Variants in ADGRG6 observed in about 807,000 individuals in gnomAD.
The protein encoded by ADGRG6 is adhesion G protein-coupled receptor G6, also known as G-protein coupled receptor 126.
ADGRG6 carries 84 observed loss-of-function variants against 142.4 expected under a neutral mutation model. The observed-to-expected ratio is 0.59, with a 90% CI of 0.49 to 0.71. The LOEUF (loss-of-function observed/expected upper bound fraction) is 0.71, where lower values mean the gene tolerates loss of function less well. Ranked by LOEUF, ADGRG6 falls within the 30% of genes least tolerant of loss-of-function variation. The pLI is 0.00. For missense variants in ADGRG6, 1,367 were observed against 1,466.6 expected (o/e 0.93, Z 1.11); for synonymous variants, 521 against 520.5 (o/e 1.00, Z -0.01).
chr6:142,364,253 G>A (rs1780847600), intron 2 of ADGRG6, among the ~76,000 whole-genome samples: 1 of 152,078 alleles, frequency 6.6e-6, no homozygotes, highest in Non-Finnish European at 1.5e-5. Context: ...ATGATACTGT[G>A]TCTAGCTTAA....
At chr6:142,391,447 A>G (rs948139729) in intron 7 of ADGRG6, among the ~76,000 whole-genome samples, 1 of 150,176 alleles carries the variant, frequency 6.7e-6, no homozygotes. Flanking sequence ...ACACACACAC[A>G]CACACACACA....
chr6:142,393,792 G>C, intron 8 of ADGRG6, 104 bp from the exon 9 acceptor site: 1 of 707,350 alleles, frequency 1.4e-6, no homozygotes. Flanking sequence ...GAAAATATTG[G>C]CTTAGAATTC....
At position 142,428,643 on chromosome 6, in the gene ADGRG6, A is replaced by G. The variant is rs193231629; in HGVS notation, c.3319+8539A>G. On this transcript the variant is annotated intron_variant, in intron 22 of 24. Transcript: ENST00000367609. ...AGGCACATCTTACATGGTGGCAGGC[A>G]AGAGAGAGCATGTGAAGGAGGAACT... 1.9e-3 allele frequency among the ~76,000 whole-genome samples: 288 copies of G among 152,272 alleles called. 3 individuals are homozygous for G. The highest frequency in any genetic ancestry group is 3.8e-4 in the Non-Finnish European group (26 of 68,016).
intron 1 of ADGRG6, among the ~76,000 whole-genome samples, chr6:142,303,310 C>T (rs762051261): frequency 6.6e-6 from 1 of 152,166 alleles, no homozygotes; most frequent in Non-Finnish European, 1.5e-5. Flanking sequence ...CAGTTCAGTA[C>T]ATGGGGAAAG....
intron 9 of ADGRG6, 53 bp downstream of exon 9, chr6:142,394,011 C>G: frequency 2.7e-6 from 3 of 1,092,120 alleles, no homozygotes; most frequent in Non-Finnish European, 4.1e-6. Context: ...TTGCTCACTA[C>G]TTTATCTGGT....
At chr6:142,386,715 A>G (rs1165388083) in intron 6 of ADGRG6, among the ~76,000 whole-genome samples, 1 of 152,184 alleles carries the variant, frequency 6.6e-6, no homozygotes, top group Non-Finnish European at 1.5e-5. Flanking sequence ...GTAGCCATTC[A>G]TTCATTGACT....
At chr6:142,415,473 G>A (rs992562652) in intron 19 of ADGRG6, among the ~76,000 whole-genome samples, 2 of 151,754 alleles carry the variant, frequency 1.3e-5, no homozygotes, top group African/African-American at 4.8e-5. Context: ...AAATAATTTA[G>A]GGAAATTATT....
At chr6:142,346,078 G>C (rs1583015187) in intron 2 of ADGRG6, among the ~76,000 whole-genome samples, 2 of 152,044 alleles carry the variant, frequency 1.3e-5, no homozygotes, top group Non-Finnish European at 1.5e-5. Flanking sequence ...TAGGATAGTG[G>C]GCTGCCTTTA....
intron 2 of ADGRG6, among the ~76,000 whole-genome samples, chr6:142,363,270 T>C (rs1170605747): frequency 1.3e-5 from 2 of 152,062 alleles, no homozygotes; most frequent in African/African-American, 4.8e-5. Flanking sequence ...TTTTAAAGAA[T>C]AGGCATTTGG....
chr6:142,441,778 T>C (rs1301021255), intron 24 of ADGRG6, among the ~76,000 whole-genome samples: 1 of 152,152 alleles, frequency 6.6e-6, no homozygotes, highest in East Asian at 1.9e-4. Flanking sequence ...CTAGTGAATA[T>C]ATGAACTGAA....
intron 21 of ADGRG6, 45 bp from the exon 22 acceptor site, chr6:142,419,776 C>A: frequency 6.9e-7 from 1 of 1,456,726 alleles, no homozygotes; most frequent in Non-Finnish European, 9.4e-7. Context: ...GTAAACAGGA[C>A]ATGGTAATAA....
At chr6:142,340,005 C>T (rs1055396577) in intron 2 of ADGRG6, among the ~76,000 whole-genome samples, 1 of 152,028 alleles carries the variant, frequency 6.6e-6, no homozygotes, top group Non-Finnish European at 1.5e-5. Flanking sequence ...ATATTAGATG[C>T]AGAAATTAGA....
intron 2 of ADGRG6, among the ~76,000 whole-genome samples, chr6:142,314,414 A>G (rs993081081): frequency 6.6e-6 from 1 of 152,140 alleles, no homozygotes; most frequent in Non-Finnish European, 1.5e-5. Flanking sequence ...CATGACTGTC[A>G]TAATGTGGAG....
intron 2 of ADGRG6, among the ~76,000 whole-genome samples, chr6:142,350,710 A>C (rs1255307472): frequency 6.6e-6 from 1 of 152,174 alleles, no homozygotes; most frequent in Non-Finnish European, 1.5e-5. Context: ...TTTTATCATG[A>C]TCAGTGGGAG....
intron 20 of ADGRG6, 125 bp downstream of exon 20, chr6:142,416,189 A>G (rs1364391234): frequency 3.0e-6 from 2 of 669,868 alleles, no homozygotes; most frequent in Non-Finnish European, 5.0e-6. Context: ...TGTGAATGGC[A>G]TGGATTAGAT....
intron 2 of ADGRG6, among the ~76,000 whole-genome samples, chr6:142,336,580 A>T (rs934517873): frequency 6.6e-6 from 1 of 152,220 alleles, no homozygotes; most frequent in Non-Finnish European, 1.5e-5. Flanking sequence ...TAGCAATTCT[A>T]CTAAAATAAA....
intron 1 of ADGRG6, among the ~76,000 whole-genome samples, chr6:142,304,061 T>C (rs1777363761): frequency 6.6e-6 from 1 of 152,212 alleles, no homozygotes; most frequent in African/African-American, 2.4e-5. Flanking sequence ...TATTTACGAT[T>C]CATATGGAGT....
chr6:142,417,908 A>G (rs1466223548), intron 21 of ADGRG6, among the ~76,000 whole-genome samples: 3 of 152,168 alleles, frequency 2.0e-5, no homozygotes, highest in South Asian at 2.1e-4. Context: ...CAATAAATAT[A>G]TGTTGATTGA....
chr6:142,426,878 G>A (rs1468218835), intron 22 of ADGRG6, among the ~76,000 whole-genome samples: 1 of 152,216 alleles, frequency 6.6e-6, no homozygotes, highest in Non-Finnish European at 1.5e-5. Context: ...AACAGCCTGA[G>A]CTGTACCTTG....
Sources: allele counts gnomAD v4.1 joint callset (sites outside exome capture counted in the v4.1 genomes callset), GRCh38; gene constraint gnomAD v4.1.1; transcripts MANE v1.5; gene names NCBI Gene and HGNC (gene_info 2026-07-23, HGNC 2026-07-21).